ZNF57: variants seen among roughly 807,000 people sequenced by gnomAD.
The protein encoded by ZNF57 is zinc finger protein 57.
In ZNF57, 11 loss-of-function variants were observed where a neutral mutation model predicts 13.4. That is an observed-to-expected ratio of 0.82 (90% CI 0.52 to 1.36). The LOEUF (loss-of-function observed/expected upper bound fraction) is 1.36, where lower values mean the gene tolerates loss of function less well. ZNF57 is among the 40% of genes most tolerant of loss of function. ZNF57 has a pLI of 0.00. For missense variants in ZNF57, 696 were observed against 667.5 expected, an observed-to-expected ratio of 1.04 and a Z score of -0.47; for synonymous variants, 224 against 238.5, an observed-to-expected ratio of 0.94 and a Z score of 0.56.
At position 2,916,904 on chromosome 19, in the gene ZNF57, A is replaced by T; in HGVS notation, c.303-20A>T. On this transcript the variant is annotated intron_variant, in intron 3 of 3. Coordinates refer to ENST00000306908, the MANE Select transcript of ZNF57 (RefSeq NM_173480.3). ...ATTACTAAACATACCATACATAAAA[A>T]TGTCTCTCATTTTTAACAGAAATCA... 1 of 1,544,448 alleles carries T rather than the reference A, an allele frequency of 6.5e-7. No homozygotes were observed. Among genetic ancestry groups the T allele is most frequent in the Non-Finnish European group, 8.7e-7 (1 of 1,145,954 alleles).
At chr19:2,914,094 T>C (rs2088166575) in intron 1 of ZNF57, among the ~76,000 whole-genome samples, 1 of 152,228 alleles carries the variant, frequency 6.6e-6, no homozygotes, top group Admixed American at 6.5e-5. Context: ...TATGTCTAAA[T>C]GACTTATAGT....
At chr19:2,916,825 C>A in intron 3 of ZNF57, 99 bp from the exon 4 acceptor site, 1 of 1,085,344 alleles carries the variant, frequency 9.2e-7, no homozygotes, top group East Asian at 2.5e-5. Flanking sequence ...TTCACGTATA[C>A]TGAAATGTAG....
intron 1 of ZNF57, among the ~76,000 whole-genome samples, chr19:2,902,663 G>C (rs2088039883): frequency 6.6e-6 from 1 of 152,146 alleles, no homozygotes; most frequent in Admixed American, 6.6e-5. Context: ...AGTTCAGCTA[G>C]ACATGAGATT....
chr19:2,902,971 G>A (rs565369994), intron 1 of ZNF57, among the ~76,000 whole-genome samples: 1 of 152,268 alleles, frequency 6.6e-6, no homozygotes, highest in African/African-American at 2.4e-5. Flanking sequence ...CTCCAGCTGA[G>A]CCCACAGTTG....
chr19:2,913,515 G>A (rs192679073), intron 1 of ZNF57, among the ~76,000 whole-genome samples: 10 of 152,152 alleles, frequency 6.6e-5, no homozygotes, highest in African/African-American at 1.9e-4. Context: ...CATCCATCTC[G>A]AAGTATTTCC....
Position 2,918,084 on chromosome 19 carries a change from C to T in ZNF57, c.1463C>T (p.Ser488Phe). 6.2e-7 allele frequency: 1 copy of T among 1,614,138 alleles called. No homozygotes were observed. The highest frequency in any genetic ancestry group is 8.5e-7 in the Non-Finnish European group (1 of 1,180,014). ...CAATGTGGAAAAACCTTCACTTGGT[C>T]CTCAACCTTACATAATCATGTGAGG... ...CKQCGKTFTW[S>F]STLHNHVRMH... Residue 488 changes from serine (S) to phenylalanine (F), a missense_variant, in exon 4 of 4, where the codon TCC (serine) becomes TTC (phenylalanine). By Grantham distance (155) the Ser-to-Phe change is radical (BLOSUM62 -2). Coordinates refer to ENST00000306908, the MANE Select transcript of ZNF57 (RefSeq NM_173480.3).
At position 2,900,985 on chromosome 19, in the gene ZNF57, A is replaced by C. The variant is rs944525948; in HGVS notation, c.-61A>C. 75 of 1,549,082 alleles carry C rather than the reference A, an allele frequency of 4.8e-5. No individual in the cohort carries two copies. Among genetic ancestry groups the C allele is most frequent in the Non-Finnish European group, 6.4e-5 (73 of 1,145,752 alleles). On this transcript the variant is annotated 5_prime_UTR_variant, in exon 1 of 4. Coordinates refer to ENST00000306908, the MANE Select transcript of ZNF57 (RefSeq NM_173480.3). ...CGGCCCGGGAGTACCTGTACCTTTC[A>C]GCTGCGCCGGCCGCGAGGCCACGGA...
At chr19:2,901,870 T>G (rs1175154494) in intron 1 of ZNF57, among the ~76,000 whole-genome samples, 1 of 152,160 alleles carries the variant, frequency 6.6e-6, no homozygotes, top group Non-Finnish European at 1.5e-5. Flanking sequence ...GCAGTTTTTT[T>G]GAGGACAGTT....
chr19:2,914,863 C>A (rs1480202532), intron 1 of ZNF57, among the ~76,000 whole-genome samples: 4 of 152,152 alleles, frequency 2.6e-5, no homozygotes, highest in African/African-American at 9.7e-5. Flanking sequence ...CTTAAATATG[C>A]CTTTGCTCCC....
chr19:2,907,172 T>C (rs1267455373), intron 1 of ZNF57: 2 of 152,216 alleles, frequency 1.3e-5, no homozygotes, highest in Admixed American at 1.3e-4. Context: ...AAGTGAGGAA[T>C]ACGTTCTCTC....
intron 1 of ZNF57, among the ~76,000 whole-genome samples, chr19:2,902,709 G>A (rs753066754): frequency 3.9e-5 from 6 of 152,070 alleles, no homozygotes; most frequent in East Asian, 1.9e-4. Flanking sequence ...AAACTGAGGC[G>A]TGTTCCATTC....
intron 1 of ZNF57, among the ~76,000 whole-genome samples, chr19:2,913,835 C>T (rs539450235): frequency 3.4e-4 from 52 of 152,296 alleles, no homozygotes; most frequent in South Asian, 1.4e-3. Context: ...GAGACAGGGT[C>T]TCACTATGTT....
At chr19:2,906,780 G>C (rs952101154) in intron 1 of ZNF57, among the ~76,000 whole-genome samples, 2 of 152,194 alleles carry the variant, frequency 1.3e-5, no homozygotes, top group African/African-American at 4.8e-5. Flanking sequence ...GTTTGCCTCG[G>C]TGCCATAAGT....
chr19:2,907,400 C>G (rs554793149), intron 1 of ZNF57, among the ~76,000 whole-genome samples: 2 of 152,134 alleles, frequency 1.3e-5, no homozygotes, highest in Non-Finnish European at 2.9e-5. Flanking sequence ...CTTCCGAAAG[C>G]GCAAATTAAA....
chr19:2,904,858 C>T (rs1204573104), intron 1 of ZNF57, among the ~76,000 whole-genome samples: 1 of 151,964 alleles, frequency 6.6e-6, no homozygotes, highest in Non-Finnish European at 1.5e-5. Flanking sequence ...TCGTAGCTTA[C>T]TGTCTGTGTG....
intron 1 of ZNF57, among the ~76,000 whole-genome samples, chr19:2,902,804 T>C (rs150324906): frequency 1.3e-5 from 2 of 152,194 alleles, no homozygotes; most frequent in Non-Finnish European, 2.9e-5. Context: ...TTTCTGGCCA[T>C]GTAAAGTCAT....
rs772643701 is a variant in ZNF57 at position 2,917,212 on chromosome 19, G to A, written c.591G>A (p.Lys197=). The A allele has an allele frequency of 6.2e-7, 1 of 1,614,216 alleles. No homozygotes were observed. The highest frequency in any genetic ancestry group is 1.3e-5 in the African/African-American group (1 of 75,054). The change falls in exon 4 of 4, where the codon AAG becomes AAA. Residue 197 remains lysine, a synonymous_variant. Coordinates refer to ENST00000306908, the MANE Select transcript of ZNF57 (RefSeq NM_173480.3). The stretch of plus-strand genomic sequence containing the variant: ...CTGACACTGAGGAGAAGCCGTATAA[G>A]TGTCAAGCATGTGGGCAAACTTTCC... ...GRTDTEEKPY[K]CQACGQTFQH...
chr19:2,901,079 A>G, intron 1 of ZNF57, 31 bp downstream of exon 1: 1 of 1,546,658 alleles, frequency 6.5e-7, no homozygotes, highest in East Asian at 2.4e-5. Flanking sequence ...GAGCCAGGGG[A>G]CGGTCGGAGC....
chr19:2,905,449 G>A (rs951219558), intron 1 of ZNF57, among the ~76,000 whole-genome samples: 5 of 127,738 alleles, frequency 3.9e-5, no homozygotes, highest in African/African-American at 6.0e-5. Flanking sequence ...CATTACAGGC[G>A]TGAGCCACTG....
Sources: allele counts gnomAD v4.1 joint callset (sites outside exome capture counted in the v4.1 genomes callset), GRCh38; gene constraint gnomAD v4.1.1; transcripts MANE v1.5; gene names NCBI Gene and HGNC (gene_info 2026-07-23, HGNC 2026-07-21).